MACROD2: variants seen among roughly 807,000 people sequenced by gnomAD.
MACROD2 encodes ADP-ribose glycohydrolase MACROD2.
Under a neutral mutation model 70.4 loss-of-function variants are expected in MACROD2, and 36 were observed. The ratio of observed to expected loss-of-function variants is 0.51; its 90% CI spans 0.39 to 0.68. The LOEUF is 0.68. Among genes scored for constraint, MACROD2 ranks in the 30% least tolerant of loss-of-function variants. The pLI is 0.00. For missense variants in MACROD2, 496 were observed against 538.4 expected, an observed-to-expected ratio of 0.92 and a Z score of 0.78; for synonymous variants, 172 against 178.8, an observed-to-expected ratio of 0.96 and a Z score of 0.30.
chr20:14,773,260 G>A (rs1357650204), intron 5 of MACROD2, among the ~76,000 whole-genome samples: 1 of 152,042 alleles, frequency 6.6e-6, no homozygotes, highest in African/African-American at 2.4e-5. Context: ...TCTGATAGAT[G>A]TATTACTAGA....
chr20:15,981,021 T>G (rs2147452058), intron 13 of MACROD2, among the ~76,000 whole-genome samples: 1 of 152,350 alleles, frequency 6.6e-6, no homozygotes, highest in South Asian at 2.1e-4. Flanking sequence ...ATCTTTTTAA[T>G]TACTTATGGC....
chr20:15,656,749 G>A (rs1471027731), intron 8 of MACROD2, among the ~76,000 whole-genome samples: 1 of 152,096 alleles, frequency 6.6e-6, no homozygotes, highest in Non-Finnish European at 1.5e-5. Context: ...GCATGCAGAT[G>A]CTCCCAAATA....
intron 4 of MACROD2, among the ~76,000 whole-genome samples, chr20:14,543,756 AC>A (rs2085460269): frequency 6.6e-6 from 1 of 152,314 alleles, no homozygotes; most frequent in African/African-American, 2.4e-5. Flanking sequence ...AACACCACTT[AC>A]GTTACAATAT....
At chr20:14,310,856 A>T (rs1253040826) in intron 3 of MACROD2, among the ~76,000 whole-genome samples, 1 of 152,148 alleles carries the variant, frequency 6.6e-6, no homozygotes, top group African/African-American at 2.4e-5. Context: ...AGTAAAAGAA[A>T]TGAGTTAATT....
chr20:15,792,502 A>G (rs1274633064), intron 8 of MACROD2, among the ~76,000 whole-genome samples: 4 of 152,152 alleles, frequency 2.6e-5, no homozygotes, highest in African/African-American at 9.7e-5. Context: ...ACTTAACCCA[A>G]GGGAAAATGG....
chr20:15,763,673 C>T (rs11905344), intron 8 of MACROD2, among the ~76,000 whole-genome samples: 1 of 117,442 alleles, frequency 8.5e-6, no homozygotes, highest in South Asian at 2.4e-4. Context: ...TCCAAATAAT[C>T]TTGCCTTAAA....
At chr20:14,089,038 A>G (rs2054116719) in intron 3 of MACROD2, among the ~76,000 whole-genome samples, 1 of 152,190 alleles carries the variant, frequency 6.6e-6, no homozygotes, top group Non-Finnish European at 1.5e-5. Flanking sequence ...CTAAATGTAT[A>G]ATTTTTCATA....
chr20:15,507,594 G>A (rs929855624), intron 8 of MACROD2, among the ~76,000 whole-genome samples: 2 of 149,848 alleles, frequency 1.3e-5, no homozygotes, highest in African/African-American at 2.5e-5. Flanking sequence ...TGTCATTGTC[G>A]GGATTTGTGA....
intron 6 of MACROD2, among the ~76,000 whole-genome samples, chr20:15,375,585 T>C (rs1180313177): frequency 1.3e-5 from 2 of 152,166 alleles, no homozygotes; most frequent in African/African-American, 4.8e-5. Flanking sequence ...TTGGATCAGA[T>C]ACCGCTCAAC....
chr20:15,547,928 G>A (rs1292091313), intron 8 of MACROD2, among the ~76,000 whole-genome samples: 1 of 152,156 alleles, frequency 6.6e-6, no homozygotes, highest in Non-Finnish European at 1.5e-5. Context: ...GTGTCTCAGT[G>A]AACTGTGGTT....
At position 15,065,173 on chromosome 20, in the gene MACROD2, C is replaced by T. The variant is rs1568556145; in HGVS notation, c.419-164767C>T. On this transcript the variant is annotated intron_variant, in intron 5 of 17. Transcript: ENST00000684519. ...ATGACTAGACCACCTCTTCAGATTT[C>T]ATAATGGGAAAATAACACAATATCT... 1.3e-5 allele frequency among the ~76,000 whole-genome samples: 2 copies of T among 152,160 alleles called. 1 individual carries two copies. The highest frequency in any genetic ancestry group is 2.9e-5 in the Non-Finnish European group (2 of 68,020).
intron 6 of MACROD2, among the ~76,000 whole-genome samples, chr20:15,260,803 T>A (rs443162): frequency 0.92 from 139,157 of 151,952 alleles, 64,033 homozygotes; most frequent in Non-Finnish European, 0.94. Context: ...TTTGAATTAA[T>A]CTCTTTCTGC....
intron 8 of MACROD2, among the ~76,000 whole-genome samples, chr20:15,649,404 C>T (rs2049610480): frequency 6.6e-6 from 1 of 151,912 alleles, no homozygotes; most frequent in African/African-American, 2.4e-5. Context: ...CAAGAGCGCT[C>T]CAAGAGCAAA....
intron 3 of MACROD2, among the ~76,000 whole-genome samples, chr20:14,224,572 A>G (rs1312361724): frequency 2.0e-5 from 3 of 152,146 alleles, no homozygotes; most frequent in Admixed American, 1.3e-4. Context: ...GTGTCCTGAC[A>G]ATGTCATATC....
chr20:15,893,980 G>A (rs1331129900), intron 10 of MACROD2: 1 of 455,856 alleles, frequency 2.2e-6, no homozygotes, highest in Admixed American at 2.4e-5. Context: ...CACTGGGCAG[G>A]AATAGCTGGG....
At chr20:14,169,770 C>T (rs182239829) in intron 3 of MACROD2, among the ~76,000 whole-genome samples, 6 of 152,192 alleles carry the variant, frequency 3.9e-5, no homozygotes, top group African/African-American at 7.2e-5. Flanking sequence ...TCATTGAATA[C>T]ATTGTTCCTA....
At chr20:14,198,926 T>C (rs1165311924) in intron 3 of MACROD2, among the ~76,000 whole-genome samples, 1 of 152,244 alleles carries the variant, frequency 6.6e-6, no homozygotes, top group African/African-American at 2.4e-5. Context: ...ATTTCTTTTT[T>C]ATCATCATAA....
chr20:14,403,453 A>G (rs2210655), intron 3 of MACROD2, among the ~76,000 whole-genome samples: 23,247 of 152,224 alleles, frequency 0.15, 2,478 homozygotes, highest in Non-Finnish European at 0.23. Flanking sequence ...CCCAAAGTAT[A>G]TAAATGTGAA....
chr20:14,774,576 A>C (rs2072210609), intron 5 of MACROD2, among the ~76,000 whole-genome samples: 1 of 152,070 alleles, frequency 6.6e-6, no homozygotes, highest in Non-Finnish European at 1.5e-5. Flanking sequence ...AGGACACATA[A>C]AATATAAAGG....
Sources: allele counts gnomAD v4.1 joint callset (sites outside exome capture counted in the v4.1 genomes callset), GRCh38; gene constraint gnomAD v4.1.1; transcripts MANE v1.5; gene names NCBI Gene and HGNC (gene_info 2026-07-23, HGNC 2026-07-21).